The following SORL1 variants were observed in gnomAD, a reference collection of about 807,000 sequenced individuals.
SORL1 encodes the protein sortilin related receptor 1.
SORL1 carries 127 observed loss-of-function variants against 273.7 expected under a neutral mutation model. The observed-to-expected ratio is 0.46, with a 90% CI of 0.40 to 0.54. SORL1 has a LOEUF of 0.54. Among genes scored for constraint, SORL1 ranks in the 20% least tolerant of loss-of-function variants. The probability of loss-of-function intolerance (pLI) is 0.00; values close to 1 mark genes in which losing one functional copy is unlikely to be tolerated. For missense variants in SORL1, 2,494 were observed against 2,846.1 expected (o/e 0.88, Z 2.81); for synonymous variants, 1,031 against 1,067.4 (o/e 0.97, Z 0.66).
At chr11:121,573,992 A>G (rs1862886283) in intron 23 of SORL1, among the ~76,000 whole-genome samples, 1 of 152,228 alleles carries the variant, frequency 6.6e-6, no homozygotes, top group Non-Finnish European at 1.5e-5. Flanking sequence ...AACAGATGAC[A>G]GTTTCTCACT....
intron 47 of SORL1, 39 bp from the exon 48 acceptor site, chr11:121,629,457 G>T (rs1863843762): frequency 9.6e-7 from 1 of 1,038,462 alleles, no homozygotes; most frequent in South Asian, 1.3e-5. Flanking sequence ...AGGTGAAAAT[G>T]TGTTGGAACT....
intron 28 of SORL1, 108 bp from the exon 29 acceptor site, chr11:121,589,151 C>T: frequency 8.0e-7 from 1 of 1,246,512 alleles, no homozygotes; most frequent in Non-Finnish European, 1.2e-6. Context: ...GCCAGACAGT[C>T]CTTTGCCAGA....
chr11:121,604,374 C>T lies in SORL1; in HGVS notation c.4651+50C>T, dbSNP rs554223877. ...CTGGGCTGGGCTGGGCTGGGAGGCTCGCTTACCCCAGGGCCCCTCCTGTGT... is the reference window on the plus strand; with the variant it reads ...CTGGGCTGGGCTGGGCTGGGAGGCTTGCTTACCCCAGGGCCCCTCCTGTGT... On this transcript the variant is annotated intron_variant, in intron 33 of 47. Transcript: ENST00000260197. 15 of 1,599,054 alleles carry T rather than the reference C, an allele frequency of 9.4e-6. 1 individual carries two copies. Among genetic ancestry groups the T allele is most frequent in the Admixed American group, 5.1e-5 (3 of 59,328 alleles).
intron 6 of SORL1, among the ~76,000 whole-genome samples, chr11:121,503,426 A>G (rs1861741809): frequency 6.6e-6 from 1 of 151,994 alleles, no homozygotes; most frequent in Admixed American, 6.6e-5. Context: ...TGAAAAGGCT[A>G]TACTTTTTCC....
At chr11:121,466,900 C>T (rs1208683456) in intron 1 of SORL1, among the ~76,000 whole-genome samples, 14 of 152,054 alleles carry the variant, frequency 9.2e-5, no homozygotes, top group Non-Finnish European at 1.5e-4. Flanking sequence ...TGCCCCTTTT[C>T]AGTCTGCTCT....
chr11:121,452,807 C>T lies in SORL1; in HGVS notation c.285+191C>T. 2.0e-6 allele frequency: 1 copy of T among 506,096 alleles called. No homozygotes were observed. The allele number at this position is 506,096 out of a possible 1,614,324, so 31.4% of individuals were successfully genotyped here. ...CGCATTGATCTTTCCTTCTTCCTGT[C>T]GATTTAGTAAACGTATTCCAGGTAA... On this transcript the variant is annotated intron_variant, in intron 1 of 47. Coordinates refer to ENST00000260197, the MANE Select transcript of SORL1 (RefSeq NM_003105.6). The surrounding 1 kb of genome is among the most constrained non-coding windows in gnomAD (Gnocchi z 5.3).
chr11:121,469,460 T>C (rs992815806), intron 1 of SORL1, among the ~76,000 whole-genome samples: 7 of 152,258 alleles, frequency 4.6e-5, no homozygotes, highest in African/African-American at 1.4e-4. Context: ...CTAAAATATT[T>C]CCTTATTTGA....
chr11:121,604,873 TG>T (rs779127099), intron 33 of SORL1, among the ~76,000 whole-genome samples: 1 of 152,178 alleles, frequency 6.6e-6, no homozygotes, highest in Non-Finnish European at 1.5e-5. Flanking sequence ...ATCTAGATCA[TG>T]GTAGTTCTGT....
intron 14 of SORL1, among the ~76,000 whole-genome samples, chr11:121,547,579 G>A (rs1862452106): frequency 1.3e-5 from 2 of 151,828 alleles, no homozygotes; most frequent in South Asian, 2.1e-4. Context: ...TGTATGTGGA[G>A]TGTTTTTATT....
chr11:121,529,311 G>C (rs1862168659), intron 11 of SORL1, among the ~76,000 whole-genome samples: 2 of 152,148 alleles, frequency 1.3e-5, no homozygotes, highest in South Asian at 4.1e-4. Context: ...CGACCTCCTG[G>C]GTTCAAGTGA....
In SORL1 at chr11:121,570,058, G is replaced by A. The variant is rs529380646; in HGVS notation, c.3224-99G>A. ...ATATCTGGCTGAATTTCCCCCGATAGTTACTAAAGGGAGGGAAACTCAAAA... is the reference window on the plus strand; with the variant it reads ...ATATCTGGCTGAATTTCCCCCGATAATTACTAAAGGGAGGGAAACTCAAAA... On this transcript the variant is annotated intron_variant, in intron 22 of 47. Transcript: ENST00000260197. The A allele has an allele frequency of 7.6e-5, 50 of 655,662 alleles. No individual in the cohort carries two copies. The East Asian group carries it at 1.3e-3, about 17-fold the overall frequency. The allele number at this position is 655,662 out of a possible 1,614,324, so 40.6% of individuals were successfully genotyped here.
At chr11:121,608,615 A>G (rs1220079524) in intron 38 of SORL1, 2 of 180,362 alleles carry the variant, frequency 1.1e-5, no homozygotes, top group African/African-American at 4.8e-5. Context: ...TTTATCTTGT[A>G]CTAGAGCTGA....
At chr11:121,555,909 A>G (rs1862575194) in intron 18 of SORL1, among the ~76,000 whole-genome samples, 1 of 152,184 alleles carries the variant, frequency 6.6e-6, no homozygotes, top group Non-Finnish European at 1.5e-5. Context: ...TCACTGCCTC[A>G]GCACCTCTTT....
rs750060058 is a variant in SORL1 at position 121,583,449 on chromosome 11, C to G, written c.3581-9C>G. 6 of 1,609,232 alleles carry G rather than the reference C, an allele frequency of 3.7e-6. No homozygotes were observed. The highest frequency in any genetic ancestry group is 1.7e-4 in the Middle Eastern group (1 of 6,040). ...GGGTGTGCGACTGTGTCTCTCTTCTCTGTTACAGCCATCTATCACACCTGT... is the reference window on the plus strand; with the variant it reads ...GGGTGTGCGACTGTGTCTCTCTTCTGTGTTACAGCCATCTATCACACCTGT... On this transcript the variant is annotated splice_polypyrimidine_tract_variant and intron_variant, in intron 25 of 47. Coordinates refer to ENST00000260197, the MANE Select transcript of SORL1 (RefSeq NM_003105.6).
chr11:121,466,885 T>A (rs1203474792), intron 1 of SORL1, among the ~76,000 whole-genome samples: 4 of 152,076 alleles, frequency 2.6e-5, no homozygotes, highest in Non-Finnish European at 5.9e-5. Flanking sequence ...ATCCCCCTAC[T>A]GGGCTGCCCC....
chr11:121,459,481 C>A (rs1565299222), intron 1 of SORL1, among the ~76,000 whole-genome samples: 1 of 152,128 alleles, frequency 6.6e-6, no homozygotes, highest in Non-Finnish European at 1.5e-5. Flanking sequence ...TAGGTAGGAA[C>A]TCACCAGGGG....
In SORL1 at chr11:121,452,583, C is replaced by A; in HGVS notation, c.252C>A (p.Ala84=). ...EKPLRRKRSA[A]LQPEPIKVYG... ...CGCTCCGGAGGAAACGGAGCGCTGC[C>A]CTGCAGCCCGAGCCCATCAAGGTGT... Residue 84 remains alanine (A), a synonymous_variant, in exon 1 of 48, where the codon GCC becomes GCA. Transcript: ENST00000260197. The surrounding 1 kb of genome is among the most constrained non-coding windows in gnomAD (Gnocchi z 5.3). The A allele has an allele frequency of 6.6e-7, 1 of 1,522,604 alleles. No individual in the cohort carries two copies. 94.3% of individuals were successfully genotyped at this position (1,522,604 alleles called of 1,614,324 possible). A position where few individuals can be genotyped will look rare whatever the true frequency, so the allele number is the denominator to read the frequency against.
At chr11:121,505,376 G>A (rs535976612) in intron 6 of SORL1, among the ~76,000 whole-genome samples, 3 of 151,620 alleles carry the variant, frequency 2.0e-5, no homozygotes, top group African/African-American at 7.2e-5. Context: ...TTTATTAAAT[G>A]TTGTTAATCT....
At position 121,622,176 on chromosome 11, in the gene SORL1, C is replaced by T; in HGVS notation, c.6079C>T (p.Pro2027Ser). ...TTAATTTTCAGTTTCATTATCAGCA[C>T]CTGATGCCTTAAAAATCATAACAGA... ...IKITTVSLSA[P>S]DALKIITEND... The change falls in exon 45 of 48, where the codon CCT (proline) becomes TCT (serine). Residue 2027 changes from proline to serine, a missense_variant. Transcript: ENST00000260197. The T allele has an allele frequency of 6.2e-7, 1 of 1,605,422 alleles. No individual in the cohort carries two copies. Among genetic ancestry groups the T allele is most frequent in the African/African-American group, 1.3e-5 (1 of 74,828 alleles).
Sources: gnomAD v4.1 joint callset for allele counts (sites outside exome capture counted in the v4.1 genomes callset) on GRCh38, gnomAD v4.1.1 for gene constraint, Gnocchi (gnomAD v3.1) non-coding constraint, MANE v1.5 for transcripts, NCBI Gene and HGNC (gene_info 2026-07-23, HGNC 2026-07-21) for gene names.